Variants in RDH13 observed in about 807,000 individuals in gnomAD.
The protein encoded by RDH13 is retinol dehydrogenase 13 (all-trans and 9-cis).
A neutral mutation model predicts 28.3 loss-of-function variants in RDH13; 35 were observed. That is an observed-to-expected ratio of 1.24 (90% CI 0.95 to 1.64). The LOEUF (loss-of-function observed/expected upper bound fraction) is 1.64, where lower values mean the gene tolerates loss of function less well. RDH13 is among the 40% of genes most tolerant of loss of function. The pLI, the probability that RDH13 is intolerant of heterozygous loss-of-function variation, is 0.00. For missense variants in RDH13, 514 were observed against 446.3 expected (o/e 1.15, Z -1.37); for synonymous variants, 229 against 198.5 (o/e 1.15, Z -1.29).
At chr19:55,049,077 G>A (rs2075341500) in intron 3 of RDH13, among the ~76,000 whole-genome samples, 1 of 152,188 alleles carries the variant, frequency 6.6e-6, no homozygotes, top group Admixed American at 6.5e-5. Flanking sequence ...AAGAGGCTGG[G>A]AGGATTATGG....
chr19:55,055,567 C>T (rs922753194), intron 3 of RDH13, among the ~76,000 whole-genome samples: 3 of 151,668 alleles, frequency 2.0e-5, no homozygotes, highest in East Asian at 3.9e-4. Context: ...AGGTCAGGTG[C>T]GGTGGCTCAC....
intron 3 of RDH13, among the ~76,000 whole-genome samples, chr19:55,052,564 C>T (rs1171523262): frequency 6.6e-6 from 1 of 151,184 alleles, no homozygotes; most frequent in Non-Finnish European, 1.5e-5. Context: ...AAAAAAATCC[C>T]TCACTGCAGC....
At chr19:55,041,288 C>T (rs1225732483), downstream of RDH13, 1 of 152,208 alleles carries the variant, frequency 6.6e-6, no homozygotes, top group Non-Finnish European at 1.5e-5. Context: ...CCTATTGGGT[C>T]CTTTTAAAAG....
At position 55,063,045 on chromosome 19, in the gene RDH13, A is replaced by ACAGGCAT. The variant is rs2147079332; in HGVS notation, c.-14_-13insATGCCTG. 1.6e-6 allele frequency: 2 copies of ACAGGCAT among 1,241,892 alleles called. No homozygotes were observed. The highest frequency in any genetic ancestry group is 2.0e-6 in the Non-Finnish European group (2 of 993,204). The allele number at this position is 1,241,892 out of a possible 1,614,324, so 76.9% of individuals were successfully genotyped here. A position where few individuals can be genotyped will look rare whatever the true frequency, so the allele number is the denominator to read the frequency against. ...GGTAGCGGCTCATGCCGGGCCGGGGACAGGCGTCAGGCGTCAGGGGTCGGC... is the reference window on the plus strand; with the variant it reads ...GGTAGCGGCTCATGCCGGGCCGGGGACAGGCATCAGGCGTCAGGCGTCAGGGGTCGGC... On this transcript the variant is annotated 5_prime_UTR_variant, in exon 1 of 7. The change creates a new upstream start codon in the 5' untranslated region. Coordinates refer to ENST00000415061, the MANE Select transcript of RDH13 (RefSeq NM_001145971.2).
chr19:55,057,837 C>G (rs1041958899), intron 2 of RDH13, among the ~76,000 whole-genome samples: 2 of 144,984 alleles, frequency 1.4e-5, no homozygotes, highest in Non-Finnish European at 3.0e-5. Flanking sequence ...GAGTCAGTCT[C>G]ACTCTGCTGC....
At chr19:55,059,900 A>C (rs1313272407) in intron 1 of RDH13, among the ~76,000 whole-genome samples, 1 of 152,228 alleles carries the variant, frequency 6.6e-6, no homozygotes, top group South Asian at 2.1e-4. Flanking sequence ...AGGGCTGTGC[A>C]GGAAGTGCCT....
intron 6 of RDH13, among the ~76,000 whole-genome samples, chr19:55,045,595 C>T (rs753403436): frequency 1.3e-5 from 2 of 152,200 alleles, no homozygotes; most frequent in Non-Finnish European, 2.9e-5. Context: ...CTCACCCTAC[C>T]CCATTTCTCC....
At chr19:55,056,855 G>A in intron 2 of RDH13, 47 bp from the exon 3 acceptor site, 1 of 1,503,298 alleles carries the variant, frequency 6.7e-7, no homozygotes, top group Non-Finnish European at 9.1e-7. Context: ...ATCCACTCCT[G>A]GGTACTGACC....
At chr19:55,051,430 CTTTTTTTTT>C (rs956534758) in intron 3 of RDH13, among the ~76,000 whole-genome samples, 1 of 146,008 alleles carries the variant, frequency 6.8e-6, no homozygotes, top group South Asian at 2.2e-4. Context: ...GGTTTTTTTT[CTTTTTTTTT>C]TTGAGATGAA....
intron 5 of RDH13, 153 bp downstream of exon 5, chr19:55,048,176 G>A: frequency 1.3e-6 from 2 of 1,535,710 alleles, no homozygotes; most frequent in East Asian, 4.9e-5. Flanking sequence ...GTCTGCTTCA[G>A]GCACCAGAAG....
upstream of RDH13, chr19:55,063,303 C>T (rs997630614): frequency 5.3e-6 from 2 of 380,200 alleles, no homozygotes; most frequent in East Asian, 3.8e-5. Flanking sequence ...GTGGCTAGTC[C>T]GGGGGCGGGG....
At position 55,047,529 on chromosome 19, in the gene RDH13, C is replaced by T. The variant is rs201415134; in HGVS notation, c.659-41G>A. 2.9e-5 allele frequency: 45 copies of T among 1,568,514 alleles called. 1 individual carries two copies. The Admixed American group carries it at 7.7e-4, about 27-fold the overall frequency. On this transcript the variant is annotated intron_variant, in intron 5 of 6. Transcript: ENST00000415061. ...AGAGAAGACTGAGGGAGGGGTCCAG[C>T]CTCACCTGGGAGGCTGTGGCAGCCC... is the stretch of plus-strand genomic sequence containing the variant.
At chr19:55,063,780 C>A, upstream of RDH13, 1 of 153,456 alleles carries the variant, frequency 6.5e-6, no homozygotes. Context: ...ATCCCCATGT[C>A]TGGCCCTGCA....
intron 3 of RDH13, among the ~76,000 whole-genome samples, chr19:55,049,274 C>T (rs1001515784): frequency 3.9e-5 from 6 of 152,118 alleles, no homozygotes; most frequent in South Asian, 2.1e-4. Context: ...GCCGGAGCCC[C>T]GAGGCCAAAA....
exon 3 of RDH13, chr19:55,039,198 GTA>G (rs2074948199): frequency 1.3e-5 from 2 of 152,306 alleles, no homozygotes; most frequent in East Asian, 1.9e-4. Flanking sequence ...ACAACATGTG[GTA>G]TATACACACA....
At chr19:55,057,154 ATGATTTCACAC>A (rs1465532139) in intron 2 of RDH13, among the ~76,000 whole-genome samples, 17 of 152,186 alleles carry the variant, frequency 1.1e-4, no homozygotes, top group African/African-American at 3.9e-4. Context: ...TTCTATGTAT[ATGATTTCACAC>A]CTATGAAACG....
chr19:55,044,735 A>G lies in RDH13; in HGVS notation c.*339T>C. 1 of 333,658 alleles carries G rather than the reference A, an allele frequency of 3.0e-6. No homozygotes were observed. Among genetic ancestry groups the G allele is most frequent in the Non-Finnish European group, 5.4e-6 (1 of 183,994 alleles). 20.7% of individuals were successfully genotyped at this position (333,658 alleles called of 1,614,324 possible). ...CATGCTCTTCACGGAGCACCTTGGA[A>G]CCCTCCCCGACAGGCACCGCTGGCT... On this transcript the variant is annotated 3_prime_UTR_variant, in exon 7 of 7. Coordinates refer to ENST00000415061, the MANE Select transcript of RDH13 (RefSeq NM_001145971.2).
chr19:55,045,246 G>T lies in RDH13; in HGVS notation c.824C>A (p.Ala275Asp), dbSNP rs981493693. ...ELAAQPSTYL[A>D]VAEELADVSG... ...AACATCCGCCAGTTCCTCCGCCACG[G>T]CCAGGTATGTGCTGGGCTGGGCGGC... Residue 275 changes from alanine to aspartate, a missense_variant, in exon 7 of 7, where the codon GCC becomes GAC. By Grantham distance (126) the Ala-to-Asp change is moderately radical. Transcript: ENST00000415061. The T allele has an allele frequency of 6.2e-7, 1 of 1,613,350 alleles. No homozygotes were observed. Among genetic ancestry groups the T allele is most frequent in the Non-Finnish European group, 8.5e-7 (1 of 1,180,030 alleles).
At chr19:55,041,708 TGACGACTCCGCGGCAGGCAGCCG>T (rs1177827375), downstream of RDH13, 1 of 152,266 alleles carries the variant, frequency 6.6e-6, no homozygotes, top group Non-Finnish European at 1.5e-5. Context: ...CGACACGCCG[TGACGACTCCGCGGCAGGCAGCCG>T]GACCTGTCCT....
Sources: gnomAD v4.1 joint callset for allele counts (sites outside exome capture counted in the v4.1 genomes callset) on GRCh38, gnomAD v4.1.1 for gene constraint, MANE v1.5 for transcripts, NCBI Gene and HGNC (gene_info 2026-07-23, HGNC 2026-07-21) for gene names.